The following LYSMD4 variants were observed in gnomAD, a reference collection of about 807,000 sequenced individuals.
LYSMD4 encodes the protein LysM domain containing 4, also known as lysM and putative peptidoglycan-binding domain-containing protein 4.
In LYSMD4, 9 loss-of-function variants were observed where a neutral mutation model predicts 6.1. That is an observed-to-expected ratio of 1.47 (90% CI 0.88 to 2.56). LYSMD4 has a LOEUF of 2.56. Among genes scored for constraint, LYSMD4 ranks in the 30% most tolerant of loss-of-function variants. LYSMD4 has a pLI of 0.00. For missense variants in LYSMD4, 384 were observed against 373.5 expected, an observed-to-expected ratio of 1.03 and a Z score of -0.23; for synonymous variants, 143 against 148.5, an observed-to-expected ratio of 0.96 and a Z score of 0.27.
intron 2 of LYSMD4, chr15:99,731,237 A>T: frequency 6.2e-7 from 1 of 1,608,894 alleles, no homozygotes. Flanking sequence ...TTATATAGAT[A>T]CACAGCATAC....
At chr15:99,725,701 G>C (rs757176002), downstream of LYSMD4, among the ~76,000 whole-genome samples, 19 of 152,150 alleles carry the variant, frequency 1.2e-4, no homozygotes, top group Non-Finnish European at 2.5e-4. Context: ...AGTACCCCAA[G>C]TGGGCCAGTA....
exon 1 of LYSMD4, chr15:99,716,782 G>A (rs755536045): frequency 1.7e-5 from 7 of 420,508 alleles, no homozygotes; most frequent in Non-Finnish European, 2.9e-5. Flanking sequence ...CAGTGCTGTG[G>A]ATGAGTGGAA....
At chr15:99,725,408 A>G (rs1469036770), downstream of LYSMD4, among the ~76,000 whole-genome samples, 3 of 152,208 alleles carry the variant, frequency 2.0e-5, no homozygotes, top group African/African-American at 7.2e-5. Flanking sequence ...AATAAATAGC[A>G]TGGGTTCCCA....
downstream of LYSMD4, among the ~76,000 whole-genome samples, chr15:99,725,516 C>G (rs940208124): frequency 4.6e-5 from 7 of 152,182 alleles, no homozygotes; most frequent in Non-Finnish European, 1.0e-4. Context: ...CTCTGCTGGA[C>G]TTCGTGGCCC....
At chr15:99,719,939 T>A (rs565715736), upstream of LYSMD4, among the ~76,000 whole-genome samples, 11 of 152,328 alleles carry the variant, frequency 7.2e-5, no homozygotes, top group African/African-American at 2.6e-4. Flanking sequence ...ATTGAGCATT[T>A]TTTTCATATG....
downstream of LYSMD4, among the ~76,000 whole-genome samples, chr15:99,724,043 C>T (rs2059258374): frequency 6.6e-6 from 1 of 150,904 alleles, no homozygotes; most frequent in South Asian, 2.1e-4. Flanking sequence ...TCTACATAGT[C>T]CCCCGTTTCC....
In LYSMD4 at chr15:99,716,061, A is replaced by C. The variant is rs2059125227; in HGVS notation, c.*341T>G. On this transcript the variant is annotated 3_prime_UTR_variant, in exon 1 of 1. Transcript: ENST00000378904. ...GGAAGCTGAAAACTCCTGGCATTGG[A>C]TCTTAAGCTAGATGATTAGAATGTG... is the stretch of plus-strand genomic sequence containing the variant. 2 of 156,944 alleles carry C rather than the reference A, an allele frequency of 1.3e-5. 1 individual carries two copies. The highest frequency in any genetic ancestry group is 3.7e-4 in the South Asian group (2 of 5,348). 9.7% of individuals were successfully genotyped at this position (156,944 alleles called of 1,614,324 possible). A position where few individuals can be genotyped will look rare whatever the true frequency, so the allele number is the denominator to read the frequency against.
exon 1 of LYSMD4, chr15:99,716,522 A>C: frequency 2.2e-6 from 1 of 456,802 alleles, no homozygotes; most frequent in South Asian, 1.5e-5. Flanking sequence ...CTGGGGACAC[A>C]AGGCGCTGGC....
chr15:99,717,768 A>G (rs2059199863), exon 1 of LYSMD4: 2 of 152,230 alleles, frequency 1.3e-5, no homozygotes, highest in African/African-American at 4.8e-5. Context: ...CACTCCAGTC[A>G]CTTTCTTACA....
At position 99,729,190 on chromosome 15, in the gene LYSMD4, G is replaced by C. The variant is rs745701553; in HGVS notation, c.824C>G (p.Ala275Gly). Residue 275 changes from alanine (A) to glycine (G), a missense_variant, in exon 3 of 3, where the codon GCA (alanine) becomes GGA (glycine). Physicochemically the swap from Ala to Gly is moderately conservative, Grantham distance 60. Transcript: ENST00000684762. ...AGAAGTGACGGCTGGCACTGCAACTGCTAGTCTGGGGGCTTGCCCTGGAAC... is the reference window on the plus strand; with the variant it reads ...AGAAGTGACGGCTGGCACTGCAACTCCTAGTCTGGGGGCTTGCCCTGGAAC... ...GTVPGQAPRL[A>G]VAVPAVTSAD... 2 of 1,614,260 alleles carry C rather than the reference G, an allele frequency of 1.2e-6. No homozygotes were observed. The highest frequency in any genetic ancestry group is 1.7e-5 in the Admixed American group (1 of 60,032).
chr15:99,722,077 C>T (rs932357975), upstream of LYSMD4, among the ~76,000 whole-genome samples: 24 of 152,180 alleles, frequency 1.6e-4, no homozygotes, highest in African/African-American at 4.8e-4. Context: ...GTGAGAAAAC[C>T]GCAGAGTCAA....
At chr15:99,716,299 C>T in exon 1 of LYSMD4, 2 of 344,582 alleles carry the variant, frequency 5.8e-6, no homozygotes, top group East Asian at 1.5e-4. Flanking sequence ...ACTTTGTTGC[C>T]ATCCTTGAGA....
chr15:99,725,562 A>C (rs948980151), downstream of LYSMD4, among the ~76,000 whole-genome samples: 1 of 152,158 alleles, frequency 6.6e-6, no homozygotes, highest in Non-Finnish European at 1.5e-5. Flanking sequence ...ACCCCAACAC[A>C]AGGGGCCTGG....
At position 99,730,007 on chromosome 15, in the gene LYSMD4, T is replaced by G; in HGVS notation, c.283-276A>C. 1.3e-5 allele frequency among the ~76,000 whole-genome samples: 2 copies of G among 152,268 alleles called. 1 individual carries two copies. Among genetic ancestry groups the G allele is most frequent in the East Asian group, 3.8e-4 (2 of 5,206 alleles). ...TAAGATCAGTTTTGAAAAACAGATC[T>G]TTCTTAAACTGTTTAAAGTGTGACT... On this transcript the variant is annotated intron_variant, in intron 2 of 2. Transcript: ENST00000684762.
intron 2 of LYSMD4, 62 bp downstream of exon 2, chr15:99,731,656 T>C (rs1232232747): frequency 6.5e-7 from 1 of 1,527,530 alleles, no homozygotes; most frequent in Middle Eastern, 2.4e-4. Flanking sequence ...GCACCCACCC[T>C]GCAGTGAGTT....
chr15:99,719,015 C>T (rs1210004534), upstream of LYSMD4, among the ~76,000 whole-genome samples: 3 of 152,184 alleles, frequency 2.0e-5, no homozygotes, highest in South Asian at 6.2e-4. Context: ...TCATTTGTAA[C>T]TTCTTTCTCC....
chr15:99,731,468 A>T, intron 2 of LYSMD4: 1 of 1,598,330 alleles, frequency 6.3e-7, no homozygotes, highest in East Asian at 2.2e-5. Context: ...TGGAGAAAAC[A>T]GGAAAAGGAG....
At position 99,729,135 on chromosome 15, in the gene LYSMD4, T is replaced by G; in HGVS notation, c.879A>C (p.Gln293His). ...SADSQFSQTT[Q>H]AGS ...TTAAAAACAAAGCTTAGCTCCCCGC[T>G]TGGGTGGTCTGACTGAACTGGCTGT... The change falls in exon 3 of 3, where the codon CAA becomes CAC. Residue 293 changes from glutamine to histidine, a missense_variant. Transcript: ENST00000684762. The G allele has an allele frequency of 2.5e-6, 4 of 1,613,096 alleles. No homozygotes were observed. In the South Asian group the frequency reaches 4.4e-5, roughly 18 times the overall value.
At position 99,730,299 on chromosome 15, in the gene LYSMD4, T is replaced by G. The variant is rs79638850; in HGVS notation, c.283-568A>C. ...CAGAAACACTGTGGGGCATGTAAACTTATTAAATAAAAGTGACTTACAGTT... is the reference window on the plus strand; with the variant it reads ...CAGAAACACTGTGGGGCATGTAAACGTATTAAATAAAAGTGACTTACAGTT... On this transcript the variant is annotated intron_variant, in intron 2 of 2. Coordinates refer to ENST00000684762, the MANE Select transcript of LYSMD4 (RefSeq NM_001284417.2). Among the ~76,000 whole-genome samples, 1,502 of 152,332 alleles carry G rather than the reference T, an allele frequency of 9.9e-3. 23 individuals are homozygous for G. Among genetic ancestry groups the G allele is most frequent in the African/African-American group, 0.034 (1,421 of 41,574 alleles).
Sources: gnomAD v4.1 joint callset for allele counts (sites outside exome capture counted in the v4.1 genomes callset) on GRCh38, gnomAD v4.1.1 for gene constraint, MANE v1.5 for transcripts, NCBI Gene and HGNC (gene_info 2026-07-23, HGNC 2026-07-21) for gene names.